ZNF829: variants seen among roughly 807,000 people sequenced by gnomAD.
The protein encoded by ZNF829 is zinc finger protein 829.
In ZNF829, 25 loss-of-function variants were observed where a neutral mutation model predicts 35.2. The observed-to-expected ratio is 0.71, with a 90% CI of 0.52 to 0.99. ZNF829 has a LOEUF of 0.99. ZNF829 is among the 50% of genes least tolerant of loss of function. ZNF829 has a pLI of 0.00. For missense variants in ZNF829, 417 were observed against 515.3 expected (o/e 0.81, Z 1.85); for synonymous variants, 136 against 163.2 (o/e 0.83, Z 1.27).
chr19:36,907,770 T>G, intron 5 of ZNF829, 159 bp downstream of exon 5: 2 of 559,088 alleles, frequency 3.6e-6, no homozygotes, highest in East Asian at 3.2e-5. Context: ...GCCAGGGAGG[T>G]ACTTGCTATA....
intron 3 of ZNF829, among the ~76,000 whole-genome samples, chr19:36,911,179 G>A (rs1219542771): frequency 6.6e-6 from 1 of 151,982 alleles, no homozygotes; most frequent in Non-Finnish European, 1.5e-5. Flanking sequence ...CTTGTGGCTG[G>A]TGTCTGAAGC....
rs145335563 is a variant in ZNF829 at position 36,912,548 on chromosome 19, T to A, written c.96+2417A>T. ...TTTTAACCTAATTTTTTTTCTTATG[T>A]AAGTGTTTTGGTTAATATCTATAAA... On this transcript the variant is annotated intron_variant, in intron 3 of 5. Coordinates refer to ENST00000391711, the MANE Select transcript of ZNF829 (RefSeq NM_001037232.4). Among the ~76,000 whole-genome samples the A allele has an allele frequency of 8.3e-4, 127 of 152,318 alleles. 1 individual carries two copies. The East Asian group carries it at 0.021, about 25-fold the overall frequency.
At chr19:36,892,575 A>C in intron 5 of ZNF829, 104 bp from the exon 6 acceptor site, 18 of 1,264,806 alleles carry the variant, frequency 1.4e-5, no homozygotes, top group Non-Finnish European at 1.8e-5. Context: ...CTGAGAAATT[A>C]CACAGTTTTC....
intron 3 of ZNF829, chr19:36,913,157 G>A (rs2073278168): frequency 6.6e-6 from 1 of 152,186 alleles, no homozygotes; most frequent in Non-Finnish European, 1.5e-5. Context: ...GCACAGGAGA[G>A]GGAAGACTCA....
chr19:36,893,457 G>A (rs1439526814), intron 5 of ZNF829, among the ~76,000 whole-genome samples: 2 of 152,134 alleles, frequency 1.3e-5, no homozygotes, highest in Non-Finnish European at 2.9e-5. Flanking sequence ...CATATAAACA[G>A]TGAGCCCCAG....
chr19:36,895,118 T>C (rs1765614021), intron 5 of ZNF829, among the ~76,000 whole-genome samples: 1 of 152,090 alleles, frequency 6.6e-6, no homozygotes, highest in Non-Finnish European at 1.5e-5. Flanking sequence ...TCAGAACTAG[T>C]AGCAGATACC....
intron 3 of ZNF829, among the ~76,000 whole-genome samples, chr19:36,911,969 T>G (rs1030654837): frequency 1.3e-5 from 2 of 152,154 alleles, no homozygotes; most frequent in Admixed American, 6.5e-5. Context: ...TAATAGTGTC[T>G]CCTAACAAAG....
At chr19:36,914,904 A>C (rs1168486305) in intron 3 of ZNF829, 61 bp downstream of exon 3, 2 of 1,541,970 alleles carry the variant, frequency 1.3e-6, no homozygotes, top group African/African-American at 2.7e-5. Context: ...AGGGACCTAT[A>C]ATTAAATGAC....
Position 36,892,291 on chromosome 19 carries a change from T to A in ZNF829, c.500A>T (p.Gln167Leu), listed in dbSNP as rs758180382. The A allele has an allele frequency of 1.9e-6, 3 of 1,613,790 alleles. No individual in the cohort carries two copies. The highest frequency in any genetic ancestry group is 2.5e-6 in the Non-Finnish European group (3 of 1,180,002). The part of the protein sequence containing the change: ...ECKICGKTFN[Q>L]NSQFIQHQRI... ...CTGATGTTGGATAAATTGTGAGTTT[T>A]GATTAAAGGTCTTTCCACATATCTT... The change falls in exon 6 of 6, where the codon CAA becomes CTA. Residue 167 changes from glutamine (Q) to leucine (L), a missense_variant. By Grantham distance (113) the Gln-to-Leu change is moderately radical. Transcript: ENST00000391711.
At chr19:36,908,261 A>C in intron 4 of ZNF829, 72 bp downstream of exon 4, 1 of 1,541,812 alleles carries the variant, frequency 6.5e-7, no homozygotes, top group Non-Finnish European at 8.7e-7. Flanking sequence ...TACATGAAGC[A>C]AATAATTCAC....
chr19:36,914,644 CT>C (rs2073293635), intron 3 of ZNF829, among the ~76,000 whole-genome samples: 1 of 152,048 alleles, frequency 6.6e-6, no homozygotes, highest in Non-Finnish European at 1.5e-5. Flanking sequence ...TCTGACACTT[CT>C]TTTTGCAAAA....
chr19:36,899,273 G>A (rs755721862), intron 5 of ZNF829, among the ~76,000 whole-genome samples: 15 of 147,036 alleles, frequency 1.0e-4, no homozygotes, highest in Non-Finnish European at 1.3e-4. Flanking sequence ...GACCCCCCCC[G>A]ATCTCTATAA....
intron 5 of ZNF829, among the ~76,000 whole-genome samples, chr19:36,900,770 C>T (rs1214474836): frequency 6.6e-6 from 1 of 151,336 alleles, no homozygotes; most frequent in South Asian, 2.1e-4. Context: ...ATTGCTTGAA[C>T]CCAGGAGGTG....
chr19:36,892,909 G>A, intron 5 of ZNF829: 1 of 1,133,728 alleles, frequency 8.8e-7, no homozygotes, highest in Non-Finnish European at 1.1e-6. Context: ...GCATGCCCAG[G>A]CAGGGGTTAA....
chr19:36,892,189 C>A lies in ZNF829; in HGVS notation c.602G>T (p.Arg201Leu), dbSNP rs560468006. Residue 201 changes from arginine (R) to leucine (L), a missense_variant, in exon 6 of 6, where the codon CGA becomes CTA. Arg to Leu is a moderately radical substitution (Grantham distance 102). Coordinates refer to ENST00000391711, the MANE Select transcript of ZNF829 (RefSeq NM_001037232.4). ...KSFSRGSLVT[R>L]HQRIHTGKKP... is the part of the protein sequence containing the mutation. ...TTTACCAGTGTGAATCCTCTGATGT[C>A]GAGTAACGAGTGAGCCACGACTAAA... 13 of 1,614,094 alleles carry A rather than the reference C, an allele frequency of 8.1e-6. No individual in the cohort carries two copies. In the South Asian group the frequency reaches 1.3e-4, roughly 16 times the overall value.
chr19:36,901,771 G>C, intron 5 of ZNF829: 2 of 560,498 alleles, frequency 3.6e-6, no homozygotes, highest in South Asian at 4.2e-5. Context: ...GTGGTGAGAA[G>C]AAAAAGGGCC....
intron 5 of ZNF829, among the ~76,000 whole-genome samples, chr19:36,904,727 A>G (rs911606142): frequency 1.3e-5 from 2 of 152,026 alleles, no homozygotes; most frequent in Non-Finnish European, 2.9e-5. Flanking sequence ...TATAAGCTTT[A>G]TAACACTGTG....
rs117195397 is a variant in ZNF829 at position 36,896,574 on chromosome 19, T to C, written c.320-4103A>G. Among the ~76,000 whole-genome samples, 937 of 152,210 alleles carry C rather than the reference T, an allele frequency of 6.2e-3. 26 individuals carry two copies. The highest frequency in any genetic ancestry group is 0.05 in the East Asian group (257 of 5,162). On this transcript the variant is annotated intron_variant, in intron 5 of 5. Transcript: ENST00000391711. ...CTCAGCATTAGACAGTTCATCTAGA[T>C]AGAAAATCAACAGCTTTGGATTTAA...
At chr19:36,892,784 TA>T (rs376647993) in intron 5 of ZNF829, 8,402 of 384,800 alleles carry the variant, frequency 0.022, 27 homozygotes, top group Non-Finnish European at 0.024. Flanking sequence ...AGATTCTAAT[TA>T]AAAAAAAAAA....
Sources: gnomAD v4.1 joint callset for allele counts (sites outside exome capture counted in the v4.1 genomes callset) on GRCh38, gnomAD v4.1.1 for gene constraint, MANE v1.5 for transcripts, NCBI Gene and HGNC (gene_info 2026-07-23, HGNC 2026-07-21) for gene names.